Variants in FRMPD4 observed in about 807,000 individuals in gnomAD.
FRMPD4 encodes the protein FERM and PDZ domain containing 4.
A neutral mutation model predicts 94.1 loss-of-function variants in FRMPD4; 22 were observed. The ratio of observed to expected loss-of-function variants is 0.23; its 90% CI spans 0.17 to 0.33. The LOEUF (loss-of-function observed/expected upper bound fraction) is 0.33. FRMPD4 is among the 10% of genes least tolerant of loss of function. FRMPD4 has a pLI of 1.00. For missense variants in FRMPD4, 1,111 were observed against 1,339.9 expected (o/e 0.83, Z 2.67); for synonymous variants, 631 against 548.6 (o/e 1.15, Z -2.10).
intron 4 of FRMPD4, among the ~76,000 whole-genome samples, chrX:12,663,072 G>A (rs1394147410): frequency 2.7e-5 from 3 of 112,400 alleles, no homozygotes; most frequent in Non-Finnish European, 5.6e-5. Context: ...TTGTCAATCT[G>A]TTTAAGTTCC....
chrX:12,160,068 GGTGTGTGTGTGTGT>G (rs757966489), intron 1 of FRMPD4, among the ~76,000 whole-genome samples: 2 of 100,049 alleles, frequency 2.0e-5, no homozygotes, highest in Non-Finnish European at 4.0e-5. Context: ...GATGTTGAGG[GGTGTGTGTGTGTGT>G]GTGTGTGTGT....
At chrX:12,495,783 C>T (rs1415981026) in intron 1 of FRMPD4, among the ~76,000 whole-genome samples, 1 of 111,855 alleles carries the variant, frequency 8.9e-6, no homozygotes, top group African/African-American at 3.2e-5. Context: ...CAGTGGGTCG[C>T]CACTTTGGCT....
In FRMPD4 at chrX:12,138,539, G is replaced by A. The variant is rs1380039161; in HGVS notation, c.-433G>A. On this transcript the variant is annotated 5_prime_UTR_variant, in exon 1 of 17. Coordinates refer to ENST00000675598, the MANE Select transcript of FRMPD4 (RefSeq NM_001368397.1). ...CGCCTGCCGTCTCCCGGCTCCGTCT[G>A]CGCTCCTCGGTGCGTGGGGCACGAG... The A allele has an allele frequency of 1.8e-5, 4 of 228,533 alleles. No homozygotes were observed. Among genetic ancestry groups the A allele is most frequent in the Non-Finnish European group, 3.1e-5 (4 of 127,555 alleles). 18.8% of individuals were successfully genotyped at this position (228,533 alleles called of 1,213,427 possible). A position where few individuals can be genotyped will look rare whatever the true frequency, so the allele number is the denominator to read the frequency against.
chrX:12,250,044 CTCTCTGTGTGTGTGTGTGTTTGTGTGTT>C (rs2054014093), intron 1 of FRMPD4, among the ~76,000 whole-genome samples: 1 of 71,595 alleles, frequency 1.4e-5, no homozygotes, highest in Non-Finnish European at 2.5e-5. Context: ...CTCTCTCTCT[CTCTCTGTGTGTGTGTGTGTTTGTGTGTT>C]TGTGTGTGTG....
chrX:11,843,075 T>C (rs1401204929), intron 1 of FRMPD4, among the ~76,000 whole-genome samples: 1 of 112,227 alleles, frequency 8.9e-6, no homozygotes, highest in African/African-American at 3.2e-5. Context: ...TTTTGTCCTT[T>C]ATTCTATTAT....
intron 1 of FRMPD4, among the ~76,000 whole-genome samples, chrX:12,339,654 T>C (rs901291230): frequency 2.3e-4 from 25 of 109,984 alleles, no homozygotes; most frequent in Middle Eastern, 4.7e-3. Flanking sequence ...TCTCCCTCTA[T>C]TGCCCAGGCT....
chrX:12,286,899 C>G (rs1453148958), intron 1 of FRMPD4, among the ~76,000 whole-genome samples: 1 of 111,663 alleles, frequency 9.0e-6, no homozygotes, highest in Admixed American at 9.5e-5. Flanking sequence ...CTTGAGTATA[C>G]CTGACCTTCA....
chrX:12,553,747 A>T (rs964793205), intron 2 of FRMPD4, among the ~76,000 whole-genome samples: 1 of 109,933 alleles, frequency 9.1e-6, no homozygotes, highest in Non-Finnish European at 1.9e-5. Context: ...TGAAGCAGGT[A>T]CTTCAGAAGA....
intron 1 of FRMPD4, among the ~76,000 whole-genome samples, chrX:12,414,532 C>A (rs2056774244): frequency 8.9e-6 from 1 of 112,022 alleles, no homozygotes; most frequent in African/African-American, 3.2e-5. Flanking sequence ...TGTCAGTATG[C>A]AGATGCTTGA....
intron 1 of FRMPD4, among the ~76,000 whole-genome samples, chrX:12,324,579 A>G (rs1165396669): frequency 8.9e-6 from 1 of 112,047 alleles, no homozygotes; most frequent in Non-Finnish European, 1.9e-5. Context: ...CAATTTGAAA[A>G]TAAACATGCT....
At chrX:11,908,398 A>G (rs907620670) in intron 3 of FRMPD4, among the ~76,000 whole-genome samples, 12 of 111,715 alleles carry the variant, frequency 1.1e-4, no homozygotes, top group African/African-American at 3.6e-4. Context: ...TCCCTGTTAA[A>G]TTTCTGATTT....
chrX:12,513,774 G>A (rs1358442456), intron 2 of FRMPD4, among the ~76,000 whole-genome samples: 4 of 111,848 alleles, frequency 3.6e-5, no homozygotes, highest in Non-Finnish European at 7.5e-5. Context: ...GTAGTTCAAT[G>A]GGAATAGCAC....
intron 3 of FRMPD4, among the ~76,000 whole-genome samples, chrX:11,950,739 C>G (rs370349484): frequency 2.2e-3 from 242 of 111,637 alleles, no homozygotes; most frequent in African/African-American, 7.6e-3. Context: ...GAGATACCAT[C>G]TCACACCAGT....
At chrX:11,921,590 G>A (rs1296245608) in intron 3 of FRMPD4, among the ~76,000 whole-genome samples, 1 of 111,980 alleles carries the variant, frequency 8.9e-6, no homozygotes, top group African/African-American at 3.2e-5. Context: ...CTGTATCTTA[G>A]CGGAAGCTTA....
chrX:12,607,459 G>A (rs886396626), intron 2 of FRMPD4, among the ~76,000 whole-genome samples: 2 of 111,772 alleles, frequency 1.8e-5, no homozygotes, highest in Non-Finnish European at 3.8e-5. Context: ...AGGACCCTGG[G>A]CTGGGTTTCA....
chrX:12,431,217 T>C (rs1468674925), intron 1 of FRMPD4, among the ~76,000 whole-genome samples: 1 of 112,636 alleles, frequency 8.9e-6, no homozygotes, highest in African/African-American at 3.2e-5. Context: ...GAGGAAAACA[T>C]AGAGAAATCA....
intron 1 of FRMPD4, among the ~76,000 whole-genome samples, chrX:12,266,413 G>A (rs1271119768): frequency 1.8e-5 from 2 of 111,128 alleles, no homozygotes; most frequent in African/African-American, 3.3e-5. Flanking sequence ...TCCTTCTGCT[G>A]GGACCAGTGG....
chrX:12,626,663 T>C (rs1348492556), intron 4 of FRMPD4, among the ~76,000 whole-genome samples: 2 of 101,205 alleles, frequency 2.0e-5, no homozygotes, highest in Non-Finnish European at 4.0e-5. Context: ...TATACACAAG[T>C]AGTCTGTCTC....
chrX:12,259,240 C>T (rs745771348), intron 1 of FRMPD4, among the ~76,000 whole-genome samples: 1 of 111,425 alleles, frequency 9.0e-6, no homozygotes, highest in Non-Finnish European at 1.9e-5. Context: ...TTCTAGCCAT[C>T]CAGAAGTGGA....
Sources: gnomAD v4.1 joint callset for allele counts (sites outside exome capture counted in the v4.1 genomes callset) on GRCh38, gnomAD v4.1.1 for gene constraint, MANE v1.5 for transcripts, NCBI Gene and HGNC (gene_info 2026-07-23, HGNC 2026-07-21) for gene names.